The following DSE variants were observed in gnomAD, a reference collection of about 807,000 sequenced individuals.
DSE encodes dermatan-sulfate epimerase.
DSE carries 36 observed loss-of-function variants against 84.4 expected under a neutral mutation model. The ratio of observed to expected loss-of-function variants is 0.43; its 90% CI spans 0.33 to 0.56. The LOEUF (loss-of-function observed/expected upper bound fraction) is 0.56. Among genes scored for constraint, DSE ranks in the 20% least tolerant of loss-of-function variants. The pLI is 0.06. For synonymous variants in DSE, 410 were observed against 430.1 expected, an observed-to-expected ratio of 0.95 and a Z score of 0.58; for missense variants, 862 against 1,169.6, an observed-to-expected ratio of 0.74 and a Z score of 3.84.
chr6:116,431,035 C>T lies in DSE; in HGVS notation c.752C>T (p.Thr251Met), dbSNP rs760863337. The T allele has an allele frequency of 1.5e-5, 24 of 1,613,990 alleles. No individual in the cohort carries two copies. The highest frequency in any genetic ancestry group is 5.3e-5 in the African/African-American group (4 of 74,886). Reference sequence around the variant, plus strand: ...TCTCTGGTCTTGCTCAGGGAGGTGACGGATGGCTCCCTCTATGAAGGAGTT... The same window carrying T: ...TCTCTGGTCTTGCTCAGGGAGGTGATGGATGGCTCCCTCTATGAAGGAGTT... ...EKSLVLLREV[T>M]DGSLYEGVAY... Residue 251 changes from threonine to methionine, a missense_variant, in exon 4 of 6, where the codon ACG becomes ATG. Thr to Met is a moderately conservative substitution (Grantham distance 81, BLOSUM62 -1). Around this residue, in one of 4 missense-constraint regions of DSE, gnomAD observed 309 missense variants for 516.9 expected, o/e 0.60. Coordinates refer to ENST00000644252, the MANE Select transcript of DSE (RefSeq NM_013352.4).
chr6:116,370,369 T>C, upstream of DSE: 3 of 741,508 alleles, frequency 4.0e-6, no homozygotes, highest in Non-Finnish European at 1.7e-6. Flanking sequence ...TGCTTCTCTA[T>C]AGGTGACCCC....
At chr6:116,285,923 G>T (rs1006475396) in intron 2 of DSE, among the ~76,000 whole-genome samples, 3 of 152,070 alleles carry the variant, frequency 2.0e-5, no homozygotes, top group Non-Finnish European at 4.4e-5. Context: ...GGTTACTGTA[G>T]CCTTGTAGTA....
intron 1 of DSE, among the ~76,000 whole-genome samples, chr6:116,388,511 C>T (rs1780699045): frequency 6.6e-6 from 1 of 152,056 alleles, no homozygotes; most frequent in Non-Finnish European, 1.5e-5. Context: ...AAAGAAGTCA[C>T]ATATGTAAAC....
At chr6:116,259,021 TCA>T in intron 2 of DSE, 1 of 1,494,348 alleles carries the variant, frequency 6.7e-7, no homozygotes, top group Middle Eastern at 1.7e-4. Context: ...CAGGGAAATG[TCA>T]CTGATGTGCA....
intron 1 of DSE, among the ~76,000 whole-genome samples, chr6:116,382,998 G>A (rs1780336910): frequency 6.6e-6 from 1 of 152,188 alleles, no homozygotes; most frequent in Non-Finnish European, 1.5e-5. Context: ...GGCTGTCTCA[G>A]GAATTGAAGA....
intron 2 of DSE, among the ~76,000 whole-genome samples, chr6:116,312,392 C>T (rs1307421775): frequency 1.3e-5 from 2 of 152,300 alleles, no homozygotes; most frequent in East Asian, 3.9e-4. Context: ...TGGACACAGT[C>T]ATTGATCAGA....
chr6:116,280,375 G>A, intron 2 of DSE: 1 of 184,858 alleles, frequency 5.4e-6, no homozygotes, highest in Non-Finnish European at 1.2e-5. Context: ...ATCAATTCTT[G>A]CCTCTACGGT....
At chr6:116,432,290 A>C (rs1783891672) in intron 4 of DSE, among the ~76,000 whole-genome samples, 1 of 152,194 alleles carries the variant, frequency 6.6e-6, no homozygotes, top group African/African-American at 2.4e-5. Flanking sequence ...GCTACTTCCT[A>C]AAGTGGAAAA....
At chr6:116,404,022 T>G (rs1781764284) in intron 2 of DSE, among the ~76,000 whole-genome samples, 1 of 152,176 alleles carries the variant, frequency 6.6e-6, no homozygotes, top group Non-Finnish European at 1.5e-5. Flanking sequence ...CCAGGCTACT[T>G]TTTTCCTAAT....
At chr6:116,423,250 C>G (rs1425851563) in intron 2 of DSE, 1 of 152,126 alleles carries the variant, frequency 6.6e-6, no homozygotes, top group East Asian at 1.9e-4. Flanking sequence ...ATTTCTAGAA[C>G]CAACCTAAAA....
At chr6:116,275,571 T>C (rs2114623676) in intron 2 of DSE, among the ~76,000 whole-genome samples, 2 of 152,178 alleles carry the variant, frequency 1.3e-5, no homozygotes, top group Non-Finnish European at 2.9e-5. Flanking sequence ...GAGGCTGAGG[T>C]GGGCTGATCA....
chr6:116,400,176 A>G (rs1216996100), intron 2 of DSE: 1 of 152,704 alleles, frequency 6.5e-6, no homozygotes, highest in African/African-American at 2.4e-5. Flanking sequence ...AGGAAAACCA[A>G]CATTATTGTG....
rs769169826 is a variant in DSE, at chr6:116,436,697, A to G, written c.2229A>G (p.Glu743=). ...TGAAGGACTATGCTGCTATTGTGGA[A>G]CAGAACTTGCAGCATTTTAAACCAG... ...PEVKDYAAIV[E]QNLQHFKPVF... Residue 743 remains glutamate, a synonymous_variant, in exon 6 of 6, where the codon GAA becomes GAG. Transcript: ENST00000644252. 1.2e-6 allele frequency: 2 copies of G among 1,614,082 alleles called. No homozygotes were observed. The highest frequency in any genetic ancestry group is 3.3e-5 in the Admixed American group (2 of 60,008).
chr6:116,429,919 T>C (rs1465293254), intron 3 of DSE, among the ~76,000 whole-genome samples: 2 of 12,178 alleles, frequency 1.6e-4, no homozygotes, highest in African/African-American at 6.7e-4. Context: ...GCCACTGCAC[T>C]CCCGTCTGGG....
At chr6:116,338,769 A>G (rs1777415466) in intron 2 of DSE, among the ~76,000 whole-genome samples, 1 of 152,212 alleles carries the variant, frequency 6.6e-6, no homozygotes, top group Admixed American at 6.5e-5. Flanking sequence ...TCCATTTTCC[A>G]GTCAAGTGTT....
chr6:116,265,053 T>G (rs1202541691), intron 2 of DSE, among the ~76,000 whole-genome samples: 2 of 152,274 alleles, frequency 1.3e-5, no homozygotes, highest in South Asian at 2.1e-4. Flanking sequence ...TTCGTTCACA[T>G]GTGCCAGCAG....
intron 2 of DSE, among the ~76,000 whole-genome samples, chr6:116,290,913 T>G (rs908002131): frequency 6.6e-6 from 1 of 152,166 alleles, no homozygotes; most frequent in African/African-American, 2.4e-5. Context: ...TGCAAAAAAG[T>G]AAACAAAGCA....
chr6:116,361,781 A>G (rs554358008), intron 2 of DSE, among the ~76,000 whole-genome samples: 1 of 152,352 alleles, frequency 6.6e-6, no homozygotes, highest in African/African-American at 2.4e-5. Flanking sequence ...ACTGAAAAAT[A>G]AAGAAGCTTA....
intron 2 of DSE, among the ~76,000 whole-genome samples, chr6:116,312,465 G>GC (rs1775747179): frequency 6.6e-6 from 1 of 152,154 alleles, no homozygotes. Flanking sequence ...TAATGGTGAG[G>GC]AAGCATAAGG....
Sources: gnomAD v4.1 joint callset for allele counts (sites outside exome capture counted in the v4.1 genomes callset) on GRCh38, gnomAD v4.1.1 for gene constraint, gnomAD v4.1.1 regional missense constraint, MANE v1.5 for transcripts, NCBI Gene and HGNC (gene_info 2026-07-23, HGNC 2026-07-21) for gene names.